MEP1A: variants seen among roughly 807,000 people sequenced by gnomAD.
MEP1A encodes N-benzoyl-L-tyrosyl-P-amino-benzoic acid hydrolase subunit alpha.
A neutral mutation model predicts 84.5 loss-of-function variants in MEP1A; 68 were observed. That is an observed-to-expected ratio of 0.80 (90% CI 0.66 to 0.98). The LOEUF (loss-of-function observed/expected upper bound fraction) is 0.98, where lower values mean the gene tolerates loss of function less well. Ranked by LOEUF, MEP1A falls within the 50% of genes least tolerant of loss-of-function variation. The pLI is 0.00. For missense variants in MEP1A, 887 were observed against 919.9 expected, an observed-to-expected ratio of 0.96 and a Z score of 0.46; for synonymous variants, 337 against 336.8, an observed-to-expected ratio of 1.00 and a Z score of -0.01.
intron 6 of MEP1A, among the ~76,000 whole-genome samples, chr6:46,810,241 G>A (rs953712753): frequency 6.6e-6 from 1 of 151,980 alleles, no homozygotes; most frequent in Non-Finnish European, 1.5e-5. Context: ...GTTTTCATAT[G>A]CCTGTTGGCC....
Position 46,797,286 on chromosome 6 carries a change from T to C in MEP1A, c.146-1320T>C, listed in dbSNP as rs151255304. Among the ~76,000 whole-genome samples the C allele has an allele frequency of 2.3e-3, 347 of 152,338 alleles. 1 individual carries two copies. The highest frequency in any genetic ancestry group is 8.1e-3 in the African/African-American group (336 of 41,590). ...AATGAAGTACAATCCAGTGATTCTG[T>C]CTGAAGTTGTTGCATTTTACAGAAA... On this transcript the variant is annotated intron_variant, in intron 3 of 13. Coordinates refer to ENST00000230588, the MANE Select transcript of MEP1A (RefSeq NM_005588.3).
At position 46,808,218 on chromosome 6, in the gene MEP1A, A is replaced by G. The variant is rs555964282; in HGVS notation, c.263-1202A>G. On this transcript the variant is annotated intron_variant, in intron 5 of 13. Coordinates refer to ENST00000230588, the MANE Select transcript of MEP1A (RefSeq NM_005588.3). ...CTTCATATTACAGATGTAACTAAGT[A>G]AGAATAGGTAAAAGTACATGAAAAT... 2.0e-5 allele frequency among the ~76,000 whole-genome samples: 3 copies of G among 152,146 alleles called. No homozygotes were observed. In the South Asian group the frequency reaches 6.2e-4, roughly 32 times the overall value.
intron 6 of MEP1A, among the ~76,000 whole-genome samples, chr6:46,811,851 T>C (rs527290545): frequency 1.7e-3 from 252 of 152,244 alleles, no homozygotes; most frequent in African/African-American, 5.4e-3. Flanking sequence ...ATCTTTTTGA[T>C]ATGCTGTTGG....
At chr6:46,795,278 C>T (rs1436131134) in intron 3 of MEP1A, among the ~76,000 whole-genome samples, 1 of 152,098 alleles carries the variant, frequency 6.6e-6, no homozygotes, top group Non-Finnish European at 1.5e-5. Context: ...TCGATCTACT[C>T]GATCTACTTT....
chr6:46,817,822 C>T (rs559107437), intron 6 of MEP1A, among the ~76,000 whole-genome samples: 1 of 152,136 alleles, frequency 6.6e-6, no homozygotes, highest in Non-Finnish European at 1.5e-5. Context: ...ACCTAATCAC[C>T]TATGGCCAGG....
intron 5 of MEP1A, among the ~76,000 whole-genome samples, chr6:46,805,404 G>C (rs544658629): frequency 2.6e-5 from 4 of 151,870 alleles, no homozygotes; most frequent in African/African-American, 9.7e-5. Flanking sequence ...ATTATGACTA[G>C]TAATGTTGAC....
intron 9 of MEP1A, among the ~76,000 whole-genome samples, chr6:46,828,359 C>T (rs377214115): frequency 1.3e-5 from 2 of 151,510 alleles, no homozygotes; most frequent in African/African-American, 2.4e-5. Flanking sequence ...ATATTAAAGT[C>T]GTTTGATATT....
At chr6:46,843,532 A>T (rs897276928), downstream of MEP1A, among the ~76,000 whole-genome samples, 6 of 152,248 alleles carry the variant, frequency 3.9e-5, no homozygotes, top group Non-Finnish European at 8.8e-5. Flanking sequence ...AGAAATATTT[A>T]AAGTTTTGCA....
chr6:46,801,871 A>G (rs1401298621), intron 5 of MEP1A, among the ~76,000 whole-genome samples: 2 of 152,030 alleles, frequency 1.3e-5, no homozygotes, highest in Admixed American at 1.3e-4. Context: ...TTCCTCATTA[A>G]GTACTCTTCG....
intron 5 of MEP1A, among the ~76,000 whole-genome samples, chr6:46,800,630 C>A (rs1767180201): frequency 6.6e-6 from 1 of 152,158 alleles, no homozygotes; most frequent in Non-Finnish European, 1.5e-5. Flanking sequence ...AGACCCAGAC[C>A]ACTGTGAAAG....
chr6:46,834,603 C>G lies in MEP1A; in HGVS notation c.1635C>G (p.Asp545Glu). 6.2e-7 allele frequency: 1 copy of G among 1,609,702 alleles called. No individual in the cohort carries two copies. The highest frequency in any genetic ancestry group is 1.1e-5 in the South Asian group (1 of 90,576). ...SPAINDTVIW[D>E]RPSRVGTYHT... ...CGATAAATGACACTGTCATCTGGGACAGGCCGTCCAGGGTGGGAACCTATC... is the reference window on the plus strand; with the variant it reads ...CGATAAATGACACTGTCATCTGGGAGAGGCCGTCCAGGGTGGGAACCTATC... The change falls in exon 12 of 14, where the codon GAC becomes GAG. Residue 545 changes from aspartate (D) to glutamate (E), a missense_variant. By Grantham distance (45) the Asp-to-Glu change is conservative (BLOSUM62 2). Coordinates refer to ENST00000230588, the MANE Select transcript of MEP1A (RefSeq NM_005588.3).
intron 7 of MEP1A, among the ~76,000 whole-genome samples, chr6:46,824,713 G>T (rs1175465000): frequency 1.6e-5 from 2 of 122,332 alleles, no homozygotes; most frequent in Non-Finnish European, 3.2e-5. Context: ...TTAAATAGAT[G>T]TATTTAAATA....
rs1178489675 is a variant in MEP1A at position 46,808,236 on chromosome 6, A to G, written c.263-1184A>G. Among the ~76,000 whole-genome samples, 2 of 152,060 alleles carry G rather than the reference A, an allele frequency of 1.3e-5. 1 individual carries two copies. The highest frequency in any genetic ancestry group is 6.3e-3 in the Middle Eastern group (2 of 316). On this transcript the variant is annotated intron_variant, in intron 5 of 13. Coordinates refer to ENST00000230588, the MANE Select transcript of MEP1A (RefSeq NM_005588.3). Reference sequence around the variant, plus strand: ...ACTAAGTAAGAATAGGTAAAAGTACATGAAAATCTCCCAGCAGATGTAATG... The same window carrying G: ...ACTAAGTAAGAATAGGTAAAAGTACGTGAAAATCTCCCAGCAGATGTAATG...
chr6:46,797,907 C>A (rs367683179), intron 3 of MEP1A, among the ~76,000 whole-genome samples: 27 of 51,382 alleles, frequency 5.3e-4, no homozygotes, highest in African/African-American at 1.7e-3. Flanking sequence ...TCCTTCCTTC[C>A]TTCCTTCCTT....
At position 46,796,576 on chromosome 6, in the gene MEP1A, G is replaced by A. The variant is rs1199932943; in HGVS notation, c.146-2030G>A. ...AAGAGAGTCATCTCCTTAAGGACTT[G>A]TTTTATTCTCTACTGTATCCCAGCA... is the stretch of plus-strand genomic sequence containing the variant. On this transcript the variant is annotated intron_variant, in intron 3 of 13. Transcript: ENST00000230588. Among the ~76,000 whole-genome samples the A allele has an allele frequency of 2.6e-5, 4 of 152,180 alleles. No homozygotes were observed. The East Asian group carries it at 7.7e-4, about 29-fold the overall frequency.
At chr6:46,818,101 G>C (rs1414315292) in intron 6 of MEP1A, among the ~76,000 whole-genome samples, 2 of 152,182 alleles carry the variant, frequency 1.3e-5, no homozygotes, top group Non-Finnish European at 2.9e-5. Context: ...ATATTTTGCA[G>C]AGTAAACTCT....
intron 5 of MEP1A, among the ~76,000 whole-genome samples, chr6:46,805,849 A>G (rs1389397854): frequency 6.6e-6 from 1 of 151,926 alleles, no homozygotes. Context: ...TTATTTGCTC[A>G]AATATTTTTC....
chr6:46,835,364 C>T lies in MEP1A; in HGVS notation c.1899C>T (p.Ala633=), dbSNP rs116465625. The T allele has an allele frequency of 1.1e-3, 1,744 of 1,611,860 alleles. 16 individuals carry two copies. The African/African-American group carries it at 0.02, about 19-fold the overall frequency. ...TCTCCGAAGAAGGTTCGGGAAAGGC[C>T]ATGTTAGAGGAAGCCCTACCTGTCA... ...QQVSEEGSGK[A]MLEEALPVSL... Residue 633 remains alanine, a synonymous_variant, in exon 13 of 14, where the codon GCC becomes GCT. Coordinates refer to ENST00000230588, the MANE Select transcript of MEP1A (RefSeq NM_005588.3).
chr6:46,842,429 A>T (rs1768349907), downstream of MEP1A, among the ~76,000 whole-genome samples: 1 of 151,730 alleles, frequency 6.6e-6, no homozygotes, highest in South Asian at 2.1e-4. Context: ...TCCTGGGGGG[A>T]GGTCTATAAA....
Sources: allele counts gnomAD v4.1 joint callset (sites outside exome capture counted in the v4.1 genomes callset), GRCh38; gene constraint gnomAD v4.1.1; transcripts MANE v1.5; gene names NCBI Gene and HGNC (gene_info 2026-07-23, HGNC 2026-07-21).